XIST: variants seen among roughly 807,000 people sequenced by gnomAD.
The protein encoded by XIST is X inactive specific transcript (non-protein coding).
chrX:73,842,085 G>A (rs1404054225), exon 1 of XIST: 5 of 544,762 alleles, frequency 9.2e-6, no homozygotes, highest in Non-Finnish European at 1.3e-5. Context: ...TGGTCACCAG[G>A]TACATAGTAT....
At chrX:73,839,931 A>T (rs996453780) in intron 1 of XIST, among the ~76,000 whole-genome samples, 1 of 110,581 alleles carries the variant, frequency 9.0e-6, no homozygotes, top group Non-Finnish European at 1.9e-5. Context: ...TATGTTGACA[A>T]TGAATGACAA....
exon 6 of XIST, chrX:73,825,842 A>AT (rs769670472): frequency 1.8e-6 from 1 of 554,844 alleles, no homozygotes; most frequent in Admixed American, 2.2e-5. Context: ...TTTCATACAC[A>AT]TTATCAGTCA....
At chrX:73,826,629 G>C in exon 6 of XIST, 1 of 559,146 alleles carries the variant, frequency 1.8e-6, no homozygotes, top group Admixed American at 2.2e-5. Flanking sequence ...ATAGAAAAGA[G>C]GTAGGGTTTA....
chrX:73,849,966 G>A (rs765109205), exon 1 of XIST: 4 of 557,064 alleles, frequency 7.2e-6, no homozygotes, highest in Non-Finnish European at 1.3e-5. Flanking sequence ...TAGGCAGGCA[G>A]GATACAACGA....
At chrX:73,820,669 A>G (rs191565799) in exon 6 of XIST, 90 of 529,405 alleles carry the variant, frequency 1.7e-4, no homozygotes, top group African/African-American at 1.6e-3. Context: ...TCAAAACAGT[A>G]TATTTTATTT....
In XIST at chrX:73,821,980, G is replaced by A. The variant is rs57356627; in HGVS notation, n.17921C>T. 5.7e-4 allele frequency: 319 copies of A among 556,651 alleles called. 3 individuals are homozygous for A. The highest frequency in any genetic ancestry group is 5.7e-3 in the African/African-American group (255 of 44,916). 45.9% of individuals were successfully genotyped at this position (556,651 alleles called of 1,213,427 possible). ...TGTCTCCATCTCCATTTTGCTATGC[G>A]TTATCTGAGGATTGTTTCTGAAAGA... On this transcript the variant is annotated non_coding_transcript_exon_variant, in exon 6 of 6. Coordinates refer to ENST00000429829, the Ensembl canonical transcript of XIST.
chrX:73,846,805 G>A (rs1168997829), exon 1 of XIST: 1 of 557,729 alleles, frequency 1.8e-6, no homozygotes, highest in Non-Finnish European at 3.2e-6. Flanking sequence ...GGATACTGAT[G>A]TAATTGTCAT....
chrX:73,852,410 T>TA (rs1313783944), exon 1 of XIST: 2 of 544,864 alleles, frequency 3.7e-6, no homozygotes, highest in Admixed American at 4.6e-5. Context: ...AGTGGAAGAG[T>TA]AAAAAACTGA....
intron 3 of XIST, chrX:73,833,135 A>C (rs1922417714): frequency 1.1e-5 from 5 of 466,575 alleles, no homozygotes; most frequent in Non-Finnish European, 1.9e-5. Flanking sequence ...TGGAATTACA[A>C]GCAGGAGCCA....
exon 6 of XIST, chrX:73,820,713 T>A: frequency 1.8e-6 from 1 of 550,190 alleles, no homozygotes; most frequent in Non-Finnish European, 3.3e-6. Flanking sequence ...TTTGTTTCAA[T>A]TGTGACATCT....
chrX:73,847,196 C>A (rs1171914116), exon 1 of XIST: 2 of 558,539 alleles, frequency 3.6e-6, no homozygotes, highest in Non-Finnish European at 3.2e-6. Context: ...ATTAACAGTC[C>A]AAGAGAGTGA....
chrX:73,833,672 GA>G (rs1217106809), intron 2 of XIST: 2 of 153,879 alleles, frequency 1.3e-5, no homozygotes, highest in Non-Finnish European at 2.5e-5. Flanking sequence ...TCCTGTTGCT[GA>G]AAATACTTCA....
exon 6 of XIST, chrX:73,821,543 C>T (rs779684486): frequency 5.4e-6 from 3 of 558,282 alleles, no homozygotes; most frequent in Non-Finnish European, 9.7e-6. Flanking sequence ...ATTTTGTCCT[C>T]ATCTCAACAA....
rs151282405 is a variant in XIST at position 73,826,721 on chromosome X, C to T, written n.13180G>A. 589 of 556,900 alleles carry T rather than the reference C, an allele frequency of 1.1e-3. 3 individuals are homozygous for T. The African/African-American group carries it at 0.012, about 11-fold the overall frequency. 45.9% of individuals were successfully genotyped at this position (556,900 alleles called of 1,213,427 possible). A position where few individuals can be genotyped will look rare whatever the true frequency, so the allele number is the denominator to read the frequency against. Reference sequence around the variant, plus strand: ...GGGTCATGGGCCTCCAGATTCCGGCCGTTAGTCTTGAGATACCTTTTTCGC... The same window carrying T: ...GGGTCATGGGCCTCCAGATTCCGGCTGTTAGTCTTGAGATACCTTTTTCGC... On this transcript the variant is annotated non_coding_transcript_exon_variant, in exon 6 of 6. Transcript: ENST00000429829.
chrX:73,846,556 C>T (rs1452008374), exon 1 of XIST: 7 of 556,774 alleles, frequency 1.3e-5, no homozygotes, highest in South Asian at 8.9e-5. Context: ...GAGCAGTGTG[C>T]GATTACGCAC....
chrX:73,845,966 G>T (rs1334649694), exon 1 of XIST: 1 of 554,879 alleles, frequency 1.8e-6, no homozygotes, highest in Middle Eastern at 3.1e-4. Flanking sequence ...ACCTTATTCA[G>T]ATGGAATGGG....
exon 1 of XIST, chrX:73,851,673 A>G (rs1377461901): frequency 1.8e-5 from 10 of 557,155 alleles, no homozygotes; most frequent in African/African-American, 2.2e-5. Flanking sequence ...AGCTCCTAAC[A>G]AGCCCCAAAT....
At chrX:73,848,851 T>C in exon 1 of XIST, 4 of 557,993 alleles carry the variant, frequency 7.2e-6, no homozygotes, top group Non-Finnish European at 1.3e-5. Context: ...GTGTTTTACA[T>C]ATTAATGCAA....
At chrX:73,824,367 C>T (rs1922201660) in exon 6 of XIST, 3 of 539,730 alleles carry the variant, frequency 5.6e-6, no homozygotes, top group Middle Eastern at 3.1e-4. Flanking sequence ...GTACCCAGCA[C>T]CAAGTGAGAA....
Sources: allele counts gnomAD v4.1 joint callset (sites outside exome capture counted in the v4.1 genomes callset), GRCh38; gene constraint gnomAD v4.1.1; transcripts MANE v1.5; gene names NCBI Gene and HGNC (gene_info 2026-07-23, HGNC 2026-07-21).